The following SLC41A3 variants were observed in gnomAD, a reference collection of about 807,000 sequenced individuals.
SLC41A3 encodes solute carrier family 41 member 3, also known as SLC41A1-like 2.
SLC41A3 carries 44 observed loss-of-function variants against 45.4 expected under a neutral mutation model. The ratio of observed to expected loss-of-function variants is 0.97; its 90% confidence interval spans 0.76 to 1.25. The LOEUF (loss-of-function observed/expected upper bound fraction) is 1.25, where lower values mean the gene tolerates loss of function less well. SLC41A3 is among the 50% of genes most tolerant of loss of function. The pLI is 0.00. For missense variants in SLC41A3, 550 were observed against 600.6 expected (o/e 0.92, Z 0.88); for synonymous variants, 256 against 252.4 (o/e 1.01, Z -0.13).
At chr3:126,058,582 ACAGACGCTGCCTT>A (rs1943819205) in intron 2 of SLC41A3, among the ~76,000 whole-genome samples, 1 of 152,068 alleles carries the variant, frequency 6.6e-6, no homozygotes, top group African/African-American at 2.4e-5. Context: ...ACTCCTGCCC[ACAGACGCTGCCTT>A]CACCACGGCC....
intron 3 of SLC41A3, among the ~76,000 whole-genome samples, chr3:126,037,342 A>G (rs1942272750): frequency 6.6e-6 from 1 of 152,222 alleles, no homozygotes; most frequent in Admixed American, 6.5e-5. Flanking sequence ...AGACAGGAAG[A>G]TAAGGGAAAG....
At chr3:126,082,192 C>G (rs1576375576) in intron 1 of SLC41A3, among the ~76,000 whole-genome samples, 1 of 152,196 alleles carries the variant, frequency 6.6e-6, no homozygotes, top group African/African-American at 2.4e-5. Context: ...ACTGACAGCT[C>G]GTGCAGATGA....
intron 1 of SLC41A3, among the ~76,000 whole-genome samples, chr3:126,090,022 G>GA (rs1446951291): frequency 8.6e-4 from 102 of 118,726 alleles, no homozygotes; most frequent in African/African-American, 3.0e-3. Context: ...AGAAGGTCAA[G>GA]AAAATCTTTT....
At chr3:126,059,942 T>C (rs1033595257) in intron 2 of SLC41A3, among the ~76,000 whole-genome samples, 8 of 152,226 alleles carry the variant, frequency 5.3e-5, no homozygotes, top group African/African-American at 1.9e-4. Flanking sequence ...AGTGTCATCA[T>C]AGTTTCGGAC....
chr3:126,037,994 C>T (rs1942326604), intron 3 of SLC41A3, among the ~76,000 whole-genome samples: 2 of 152,244 alleles, frequency 1.3e-5, no homozygotes, highest in Admixed American at 6.5e-5. Context: ...GCTCAAAGAA[C>T]ATCAAGTACA....
intron 2 of SLC41A3, among the ~76,000 whole-genome samples, chr3:126,058,738 G>A (rs940375743): frequency 1.3e-5 from 2 of 152,188 alleles, no homozygotes; most frequent in African/African-American, 4.8e-5. Flanking sequence ...AGGAGCATCC[G>A]GACCCCTTGC....
At chr3:126,082,449 G>A (rs913701727) in intron 1 of SLC41A3, among the ~76,000 whole-genome samples, 3 of 152,328 alleles carry the variant, frequency 2.0e-5, no homozygotes, top group African/African-American at 4.8e-5. Context: ...GTAGTGTGGA[G>A]GCCGAGAAAC....
chr3:126,095,242 G>T, intron 1 of SLC41A3: 3 of 691,102 alleles, frequency 4.3e-6, no homozygotes, highest in South Asian at 3.0e-5. Context: ...ACCTTATCAT[G>T]AGCCAGATGC....
In SLC41A3 at chr3:126,094,445, C is replaced by T. The variant is rs118025149; in HGVS notation, c.-79+6984G>A. ...AATGGGCACATAGCTCCAACATTTT[C>T]GCCTTGGAATTCTCCAGTTTTCGTA... On this transcript the variant is annotated intron_variant, in intron 1 of 9. Transcript: ENST00000508835. 0.01 allele frequency among the ~76,000 whole-genome samples: 1,530 copies of T among 152,248 alleles called. 59 individuals carry two copies. The East Asian group carries it at 0.15, about 15-fold the overall frequency.
In SLC41A3 at chr3:126,007,673, A is replaced by G. The variant is rs115198146; in HGVS notation, c.1255-448T>C. Among the ~76,000 whole-genome samples the G allele has an allele frequency of 3.3e-3, 496 of 152,250 alleles. 2 individuals carry two copies. The highest frequency in any genetic ancestry group is 0.014 in the Middle Eastern group (4 of 294). ...CTCATGGCTCCTCAATCCCTTGTCC[A>G]GGCTAACCCCAGCTCCTTCCTTCTC... is the stretch of plus-strand genomic sequence containing the variant. On this transcript the variant is annotated intron_variant, in intron 10 of 10. Transcript: ENST00000360370.
Position 126,051,004 on chromosome 3 carries a change from G to A in SLC41A3, c.320C>T (p.Pro107Leu), listed in dbSNP as rs139252955. The change falls in exon 3 of 11, where the codon CCG (proline) becomes CTG (leucine). Residue 107 changes from proline (P) to leucine (L), a missense_variant. Physicochemically the swap from Pro to Leu is moderately conservative, Grantham distance 98. Transcript: ENST00000360370. ...GTTCCCCTTCAGGCCCACCAGGGGC[G>A]GCACCAATGTCAAAAGGTCTTTCAC... The part of the protein sequence containing the change: ...VEVKDLLTLV[P>L]PLVGLKGNLE... 6.2e-4 allele frequency: 1,003 copies of A among 1,612,410 alleles called. No homozygotes were observed. Among genetic ancestry groups the A allele is most frequent in the Non-Finnish European group, 7.8e-4 (917 of 1,179,234 alleles).
rs376090386 is a variant in SLC41A3, at chr3:126,006,697, T to C, written c.*319A>G. On this transcript the variant is annotated 3_prime_UTR_variant, in exon 11 of 11. Coordinates refer to ENST00000360370, the MANE Select transcript of SLC41A3 (RefSeq NM_017836.4). Reference sequence around the variant, plus strand: ...AGCAAACACACCCTGCAAAGCATACTGGACATGCCTCTTCTTTACCTTCTC... The same window carrying C: ...AGCAAACACACCCTGCAAAGCATACCGGACATGCCTCTTCTTTACCTTCTC... 6.8e-7 allele frequency: 1 copy of C among 1,460,792 alleles called. No homozygotes were observed. The highest frequency in any genetic ancestry group is 1.5e-5 in the South Asian group (1 of 67,138). The allele number at this position is 1,460,792 out of a possible 1,614,324, so 90.5% of individuals were successfully genotyped here.
intron 4 of SLC41A3, among the ~76,000 whole-genome samples, chr3:126,030,127 T>C (rs1941685838): frequency 7.5e-6 from 1 of 132,678 alleles, no homozygotes; most frequent in Non-Finnish European, 1.7e-5. Context: ...TATATAATTA[T>C]AATATGTATA....
intron 10 of SLC41A3, 119 bp from the exon 11 acceptor site, chr3:126,007,344 C>T: frequency 9.3e-7 from 1 of 1,069,956 alleles, no homozygotes; most frequent in East Asian, 2.6e-5. Flanking sequence ...CCCAGCCAGC[C>T]TCCTTCATCC....
At position 126,097,594 on chromosome 3, in the gene SLC41A3, T is replaced by C. The variant is rs1451437347; in HGVS notation, c.-79+3835A>G. Among the ~76,000 whole-genome samples, 3 of 152,336 alleles carry C rather than the reference T, an allele frequency of 2.0e-5. No individual in the cohort carries two copies. In the East Asian group the frequency reaches 5.8e-4, roughly 29 times the overall value. ...ATGAAATATTTAGATATATGGTTTG[T>C]GGACCCTCACTTGTACTTTTGCCCT... On this transcript the variant is annotated intron_variant, in intron 1 of 9. Transcript: ENST00000508835.
At chr3:126,089,696 G>A (rs1945454395) in intron 1 of SLC41A3, among the ~76,000 whole-genome samples, 1 of 152,194 alleles carries the variant, frequency 6.6e-6, no homozygotes, top group Non-Finnish European at 1.5e-5. Flanking sequence ...AACTAAACTA[G>A]AGAATTTCCA....
chr3:126,075,241 C>T (rs1236583575), intron 1 of SLC41A3, among the ~76,000 whole-genome samples: 12 of 152,060 alleles, frequency 7.9e-5, no homozygotes, highest in East Asian at 1.9e-4. Flanking sequence ...CCACTGTATC[C>T]GGCCAGTTTT....
At position 126,020,891 on chromosome 3, in the gene SLC41A3, G is replaced by C. The variant is rs1256480163; in HGVS notation, c.745+1895C>G. ...GGTGTGTTGTTTGCTTCTTTGTTTA[G>C]AGTTTTTTTTTTTCTTTTTTTTTGA... is the stretch of plus-strand genomic sequence containing the variant. On this transcript the variant is annotated intron_variant, in intron 6 of 10. Coordinates refer to ENST00000360370, the MANE Select transcript of SLC41A3 (RefSeq NM_017836.4). Among the ~76,000 whole-genome samples the C allele has an allele frequency of 4.6e-5, 7 of 150,620 alleles. No homozygotes were observed. The East Asian group carries it at 1.4e-3, about 29-fold the overall frequency.
rs569687092 is a variant in SLC41A3, at chr3:126,022,930, C to T, written c.601G>A (p.Val201Met). 9.9e-6 allele frequency: 16 copies of T among 1,614,094 alleles called. No individual in the cohort carries two copies. The African/African-American group carries it at 1.2e-4, about 12-fold the overall frequency. The change falls in exon 6 of 11, where the codon GTG becomes ATG. Residue 201 changes from valine (V) to methionine (M), a missense_variant and splice_region_variant. By Grantham distance (21) the Val-to-Met change is conservative. Coordinates refer to ENST00000360370, the MANE Select transcript of SLC41A3 (RefSeq NM_017836.4). The part of the protein sequence containing the change: ...TAFLAAFALG[V>M]LMVCIVIGAR... ...CCAATCACTATACAGACCATCAGCA[C>T]CCCTGCAGAGAGAGAGAGGAGAAAC...
Sources: gnomAD v4.1 joint callset for allele counts (sites outside exome capture counted in the v4.1 genomes callset) on GRCh38, gnomAD v4.1.1 for gene constraint, MANE v1.5 for transcripts, NCBI Gene and HGNC (gene_info 2026-07-23, HGNC 2026-07-21) for gene names.